Variants in CSMD3 observed in about 807,000 individuals in gnomAD.
The protein encoded by CSMD3 is CUB and sushi domain-containing protein 3.
CSMD3 carries 177 observed loss-of-function variants against 435.2 expected under a neutral mutation model. That is an observed-to-expected ratio of 0.41 (90% confidence interval 0.36 to 0.46). CSMD3 has a LOEUF of 0.46. Ranked by LOEUF, CSMD3 falls within the 20% of genes least tolerant of loss-of-function variation. The probability of loss-of-function intolerance (pLI) is 0.34; values close to 1 mark genes in which losing one functional copy is unlikely to be tolerated. For synonymous variants in CSMD3, 1,656 were observed against 1,520.5 expected (o/e 1.09, Z -2.07); for missense variants, 4,265 against 4,504.6 (o/e 0.95, Z 1.52).
chr8:112,696,912 A>G (rs994246107), intron 13 of CSMD3, among the ~76,000 whole-genome samples: 12 of 152,154 alleles, frequency 7.9e-5, no homozygotes, highest in Admixed American at 2.6e-4. Context: ...CAAAGTGGGC[A>G]AAGGATATGA....
intron 10 of CSMD3, among the ~76,000 whole-genome samples, chr8:112,881,402 T>C (rs1389635734): frequency 6.6e-6 from 1 of 152,094 alleles, no homozygotes; most frequent in Non-Finnish European, 1.5e-5. Context: ...CAGCATTTTT[T>C]AAAGACATTA....
At chr8:112,251,097 T>G (rs1815216352) in intron 63 of CSMD3, among the ~76,000 whole-genome samples, 1 of 151,852 alleles carries the variant, frequency 6.6e-6, no homozygotes, top group African/African-American at 2.4e-5. Flanking sequence ...TCAATGCATT[T>G]ATTTGAATCT....
At chr8:112,263,286 T>C (rs1816612854) in intron 61 of CSMD3, among the ~76,000 whole-genome samples, 1 of 152,070 alleles carries the variant, frequency 6.6e-6, no homozygotes, top group African/African-American at 2.4e-5. Flanking sequence ...AGAAGTGACA[T>C]GGATTTATTG....
At chr8:113,124,027 G>T (rs1179893810) in intron 4 of CSMD3, among the ~76,000 whole-genome samples, 2 of 151,934 alleles carry the variant, frequency 1.3e-5, no homozygotes, top group Non-Finnish European at 1.5e-5. Context: ...TTATCCAAGA[G>T]AAATATTTGG....
At chr8:113,031,615 A>C (rs1214706702) in intron 5 of CSMD3, among the ~76,000 whole-genome samples, 1 of 151,700 alleles carries the variant, frequency 6.6e-6, no homozygotes, top group Admixed American at 6.6e-5. Context: ...GATAAAGTGC[A>C]CAGAATAAAA....
At chr8:112,581,333 A>G (rs959128817) in intron 23 of CSMD3, among the ~76,000 whole-genome samples, 2 of 152,056 alleles carry the variant, frequency 1.3e-5, no homozygotes, top group Non-Finnish European at 2.9e-5. Context: ...AAAATAATCC[A>G]AAGCACAATA....
chr8:113,402,911 T>G (rs1471878035), intron 1 of CSMD3, among the ~76,000 whole-genome samples: 1 of 151,230 alleles, frequency 6.6e-6, no homozygotes, highest in Non-Finnish European at 1.5e-5. Flanking sequence ...TAGTGTACCT[T>G]TTTCAGGGAA....
At chr8:113,418,133 T>C (rs2094591038) in intron 1 of CSMD3, among the ~76,000 whole-genome samples, 1 of 152,126 alleles carries the variant, frequency 6.6e-6, no homozygotes, top group Non-Finnish European at 1.5e-5. Flanking sequence ...CCTTTCATAT[T>C]TCTCTGTTAC....
chr8:112,895,584 G>T (rs1003003747), intron 10 of CSMD3, among the ~76,000 whole-genome samples: 20 of 151,534 alleles, frequency 1.3e-4, no homozygotes, highest in African/African-American at 4.6e-4. Context: ...AGTGGACTTG[G>T]TTATACCTGG....
intron 11 of CSMD3, among the ~76,000 whole-genome samples, chr8:112,835,538 T>C (rs2079999146): frequency 6.6e-6 from 1 of 151,896 alleles, no homozygotes; most frequent in Non-Finnish European, 1.5e-5. Flanking sequence ...TGGTAGGAAG[T>C]ACAGCATACC....
intron 32 of CSMD3, among the ~76,000 whole-genome samples, chr8:112,452,074 A>G (rs917782667): frequency 1.3e-5 from 2 of 152,310 alleles, no homozygotes; most frequent in Middle Eastern, 3.4e-3. Context: ...CCATACTGCC[A>G]TAAAGCCTTC....
At chr8:112,509,743 T>C (rs1822901871) in intron 28 of CSMD3, among the ~76,000 whole-genome samples, 1 of 152,158 alleles carries the variant, frequency 6.6e-6, no homozygotes, top group African/African-American at 2.4e-5. Flanking sequence ...GTTCCTTACA[T>C]GGTTCTCTTA....
chr8:112,479,752 A>G (rs1345738137), intron 31 of CSMD3, among the ~76,000 whole-genome samples: 2 of 152,238 alleles, frequency 1.3e-5, no homozygotes, highest in Non-Finnish European at 2.9e-5. Context: ...ACTTCTGCCT[A>G]AATGTCAGAG....
intron 28 of CSMD3, among the ~76,000 whole-genome samples, chr8:112,512,221 A>C (rs1454645557): frequency 6.6e-6 from 1 of 152,332 alleles, no homozygotes; most frequent in Admixed American, 6.5e-5. Flanking sequence ...GAAGGTTTTC[A>C]ATTTACTTTG....
intron 4 of CSMD3, among the ~76,000 whole-genome samples, chr8:113,122,623 T>C (rs1260096108): frequency 6.6e-6 from 1 of 151,670 alleles, no homozygotes; most frequent in Admixed American, 6.6e-5. Context: ...GAGATGTGCT[T>C]TTTCAGGTTT....
chr8:112,300,015 G>T, intron 53 of CSMD3, among the ~76,000 whole-genome samples: 1 of 149,982 alleles, frequency 6.7e-6, no homozygotes, highest in East Asian at 2.0e-4. Flanking sequence ...ATTCATGAGA[G>T]CACATGGCCA....
intron 1 of CSMD3, among the ~76,000 whole-genome samples, chr8:113,417,969 T>A (rs2094589967): frequency 6.6e-6 from 1 of 152,072 alleles, no homozygotes; most frequent in Non-Finnish European, 1.5e-5. Flanking sequence ...ATATACCAAA[T>A]AATGTTTTAA....
chr8:112,955,057 T>G (rs1352838315), intron 7 of CSMD3, among the ~76,000 whole-genome samples: 1 of 151,616 alleles, frequency 6.6e-6, no homozygotes, highest in East Asian at 1.9e-4. Context: ...TCTTAGCAGT[T>G]TATGATAAAC....
intron 12 of CSMD3, among the ~76,000 whole-genome samples, chr8:112,809,727 T>G (rs2079175633): frequency 6.6e-6 from 1 of 152,056 alleles, no homozygotes; most frequent in African/African-American, 2.4e-5. Flanking sequence ...CTTTAGAAAA[T>G]TTTAGGTGGG....
Sources: allele counts gnomAD v4.1 joint callset (sites outside exome capture counted in the v4.1 genomes callset), GRCh38; gene constraint gnomAD v4.1.1; transcripts MANE v1.5; gene names NCBI Gene and HGNC (gene_info 2026-07-23, HGNC 2026-07-21).